Variants in HS6ST3 observed in about 807,000 individuals in gnomAD.
HS6ST3 encodes the protein heparan-sulfate 6-O-sulfotransferase 3.
In HS6ST3, 12 loss-of-function variants were observed where a neutral mutation model predicts 36.7. That is an observed-to-expected ratio of 0.33 (90% CI 0.21 to 0.53). The LOEUF (loss-of-function observed/expected upper bound fraction) is 0.53. Ranked by LOEUF, HS6ST3 falls within the 20% of genes least tolerant of loss-of-function variation. The probability of loss-of-function intolerance (pLI) is 0.95; values close to 1 mark genes in which losing one functional copy is unlikely to be tolerated. For synonymous variants in HS6ST3, 240 were observed against 257.5 expected, an observed-to-expected ratio of 0.93 and a Z score of 0.65; for missense variants, 584 against 640.9, an observed-to-expected ratio of 0.91 and a Z score of 0.96.
chr13:96,496,352 G>A (rs138739328), intron 1 of HS6ST3, among the ~76,000 whole-genome samples: 1 of 152,176 alleles, frequency 6.6e-6, no homozygotes, highest in Non-Finnish European at 1.5e-5. Flanking sequence ...ATGCCTTCCC[G>A]CTTTGTACAC....
At chr13:96,445,126 A>G (rs897597198) in intron 1 of HS6ST3, among the ~76,000 whole-genome samples, 1 of 152,248 alleles carries the variant, frequency 6.6e-6, no homozygotes, top group African/African-American at 2.4e-5. Flanking sequence ...GGTTGTGGAA[A>G]TTGGAAAGAA....
intron 1 of HS6ST3, among the ~76,000 whole-genome samples, chr13:96,476,657 G>T (rs2055865906): frequency 6.6e-6 from 1 of 152,178 alleles, no homozygotes; most frequent in Non-Finnish European, 1.5e-5. Flanking sequence ...CATCGCGCCT[G>T]GCCGAGACAG....
At chr13:96,221,072 G>GTC (rs1206220580) in intron 1 of HS6ST3, among the ~76,000 whole-genome samples, 1 of 152,126 alleles carries the variant, frequency 6.6e-6, no homozygotes, top group Non-Finnish European at 1.5e-5. Context: ...CTTTTCTAGT[G>GTC]TCTCAAATAG....
chr13:96,526,262 C>T (rs964858926), intron 1 of HS6ST3, among the ~76,000 whole-genome samples: 5 of 152,172 alleles, frequency 3.3e-5, no homozygotes, highest in African/African-American at 4.8e-5. Flanking sequence ...GCACCGCTGA[C>T]GAGCTTGGAA....
intron 1 of HS6ST3, among the ~76,000 whole-genome samples, chr13:96,666,325 C>G (rs1198418472): frequency 6.6e-6 from 1 of 152,066 alleles, no homozygotes; most frequent in Non-Finnish European, 1.5e-5. Context: ...CAATTCAAGG[C>G]GAGATTTGGG....
At chr13:96,163,222 ATTTTTTT>A (rs147731415) in intron 1 of HS6ST3, among the ~76,000 whole-genome samples, 8 of 79,058 alleles carry the variant, frequency 1.0e-4, no homozygotes, top group South Asian at 5.3e-4. Context: ...TCTGAGATAC[ATTTTTTT>A]TTTTTTTTTT....
Position 96,329,550 on chromosome 13 carries a change from T to C in HS6ST3, c.707+237981T>C, listed in dbSNP as rs1263585511. Among the ~76,000 whole-genome samples the C allele has an allele frequency of 1.2e-4, 17 of 144,532 alleles. 1 individual carries two copies. Among genetic ancestry groups the C allele is most frequent in the Non-Finnish European group, 2.4e-4 (16 of 66,304 alleles). The allele number at this position is 144,532 out of a possible 152,430, so 94.8% of individuals were successfully genotyped here. On this transcript the variant is annotated intron_variant, in intron 1 of 1. Coordinates refer to ENST00000376705, the MANE Select transcript of HS6ST3 (RefSeq NM_153456.4). ...GATTGCGCTGTGGTCTGAGAGATAG[T>C]TTGTTATAATCTCTGTTCTTTTAAA...
chr13:96,136,569 G>A (rs1420510330), intron 1 of HS6ST3, among the ~76,000 whole-genome samples: 2 of 151,712 alleles, frequency 1.3e-5, no homozygotes, highest in East Asian at 1.9e-4. Context: ...TGAACCAGTC[G>A]CCTCCCACCA....
intron 1 of HS6ST3, among the ~76,000 whole-genome samples, chr13:96,379,169 T>C (rs1016188564): frequency 6.6e-6 from 1 of 152,216 alleles, no homozygotes; most frequent in African/African-American, 2.4e-5. Flanking sequence ...ATTCTGCACA[T>C]CGTCATAAAT....
At chr13:96,173,274 A>G (rs1322708468) in intron 1 of HS6ST3, among the ~76,000 whole-genome samples, 1 of 152,208 alleles carries the variant, frequency 6.6e-6, no homozygotes, top group African/African-American at 2.4e-5. Context: ...TCTCCCAGAG[A>G]TTAAGTGACT....
chr13:96,250,892 T>C (rs1389842356), intron 1 of HS6ST3, among the ~76,000 whole-genome samples: 2 of 152,220 alleles, frequency 1.3e-5, no homozygotes, highest in Non-Finnish European at 1.5e-5. Context: ...TCACATTTAT[T>C]TATTTGTAGA....
Position 96,832,744 on chromosome 13 carries a change from G to T in HS6ST3, c.962G>T (p.Gly321Val). The change falls in exon 2 of 2, where the codon GGC (glycine) becomes GTC (valine). Residue 321 changes from glycine to valine, a missense_variant. Coordinates refer to ENST00000376705, the MANE Select transcript of HS6ST3 (RefSeq NM_153456.4). ...VRMLADLSLV[G>V]CYNLTFMNES... The stretch of plus-strand genomic sequence containing the variant: ...ATGCTGGCTGACCTCAGCCTGGTGG[G>T]CTGCTATAACTTGACTTTCATGAAC... The T allele has an allele frequency of 6.2e-7, 1 of 1,614,176 alleles. No individual in the cohort carries two copies. The highest frequency in any genetic ancestry group is 8.5e-7 in the Non-Finnish European group (1 of 1,180,024).
intron 1 of HS6ST3, among the ~76,000 whole-genome samples, chr13:96,379,618 TTTCCA>T (rs2055331336): frequency 6.6e-6 from 1 of 152,228 alleles, no homozygotes; most frequent in Admixed American, 6.5e-5. Context: ...AAGCAGTATT[TTTCCA>T]TGTGGAGTTG....
chr13:96,349,401 T>C (rs2055171279), intron 1 of HS6ST3, among the ~76,000 whole-genome samples: 1 of 152,194 alleles, frequency 6.6e-6, no homozygotes, highest in Non-Finnish European at 1.5e-5. Flanking sequence ...TTTGGAATCA[T>C]ATTGTTCTTT....
intron 1 of HS6ST3, among the ~76,000 whole-genome samples, chr13:96,623,691 A>T (rs1156961728): frequency 6.6e-6 from 1 of 152,084 alleles, no homozygotes; most frequent in Non-Finnish European, 1.5e-5. Flanking sequence ...GGAAAAGCTG[A>T]TTGTTAAACC....
intron 1 of HS6ST3, among the ~76,000 whole-genome samples, chr13:96,828,426 T>A (rs1389782058): frequency 6.6e-6 from 1 of 152,180 alleles, no homozygotes; most frequent in East Asian, 1.9e-4. Context: ...TATTTTTTTT[T>A]AATTCAGTTT....
intron 1 of HS6ST3, among the ~76,000 whole-genome samples, chr13:96,486,106 C>T (rs953038775): frequency 1.4e-5 from 2 of 147,378 alleles, no homozygotes; most frequent in South Asian, 2.1e-4. Flanking sequence ...TGAGTGAGAA[C>T]ATGCGGTGTT....
intron 1 of HS6ST3, among the ~76,000 whole-genome samples, chr13:96,092,294 G>C (rs1409919351): frequency 6.6e-6 from 1 of 152,186 alleles, no homozygotes; most frequent in Admixed American, 6.5e-5. Context: ...CTGACAGTGT[G>C]CTAGGTGTTA....
intron 1 of HS6ST3, among the ~76,000 whole-genome samples, chr13:96,616,558 G>A (rs974306965): frequency 2.6e-5 from 4 of 152,010 alleles, no homozygotes; most frequent in Non-Finnish European, 5.9e-5. Flanking sequence ...TCTAACCAGG[G>A]CCCATAATTT....
Sources: allele counts gnomAD v4.1 joint callset (sites outside exome capture counted in the v4.1 genomes callset), GRCh38; gene constraint gnomAD v4.1.1; transcripts MANE v1.5; gene names NCBI Gene and HGNC (gene_info 2026-07-23, HGNC 2026-07-21).